CTSH: variants seen among roughly 807,000 people sequenced by gnomAD.
CTSH encodes cathepsin H.
Under a neutral mutation model 56.3 loss-of-function variants are expected in CTSH, and 52 were observed. The ratio of observed to expected loss-of-function variants is 0.92; its 90% CI spans 0.74 to 1.16. The LOEUF (loss-of-function observed/expected upper bound fraction) is 1.16. Ranked by LOEUF, CTSH falls within the 50% of genes most tolerant of loss-of-function variation. The pLI is 0.00. For missense variants in CTSH, 406 were observed against 424.5 expected, an observed-to-expected ratio of 0.96 and a Z score of 0.38; for synonymous variants, 174 against 155.7, an observed-to-expected ratio of 1.12 and a Z score of -0.88.
intron 10 of CTSH, among the ~76,000 whole-genome samples, chr15:78,924,701 T>TC (rs2054863359): frequency 6.6e-6 from 1 of 151,358 alleles, no homozygotes; most frequent in South Asian, 2.1e-4. Context: ...TATTTTTTTT[T>TC]TTTTCTGAGA....
In CTSH at chr15:78,921,928, ATCT is replaced by A; in HGVS notation, c.*199_*201del. ...AGGACACTAAGGCACATGGCTGGTG[ATCT>A]TTGCGTCATAGACACGGGTGAGCTC... On this transcript the variant is annotated 3_prime_UTR_variant, in exon 12 of 12. Transcript: ENST00000220166. 1 of 586,536 alleles carries A rather than the reference ATCT, an allele frequency of 1.7e-6. No individual in the cohort carries two copies. The highest frequency in any genetic ancestry group is 2.8e-5 in the East Asian group (1 of 35,480). The allele number at this position is 586,536 out of a possible 1,614,324, so 36.3% of individuals were successfully genotyped here. A position where few individuals can be genotyped will look rare whatever the true frequency, so the allele number is the denominator to read the frequency against.
chr15:78,923,312 C>T (rs977376337), intron 10 of CTSH, among the ~76,000 whole-genome samples, 194 bp from the exon 11 acceptor site: 46 of 152,252 alleles, frequency 3.0e-4, no homozygotes, highest in African/African-American at 7.0e-4. Context: ...TCTTTTGAGA[C>T]GGAGTCTCAC....
chr15:78,935,577 C>A, intron 4 of CTSH, 103 bp downstream of exon 4: 1 of 948,336 alleles, frequency 1.1e-6, no homozygotes, highest in Non-Finnish European at 1.6e-6. Context: ...TCAGCTGCAT[C>A]TGGGGATGGG....
Position 78,944,667 on chromosome 15 carries a change from C to T in CTSH, c.91+224G>A, listed in dbSNP as rs570272408. On this transcript the variant is annotated intron_variant, in intron 1 of 11. Transcript: ENST00000220166. ...ACCTGGCTAGGTGGGACCCTGGACA[C>T]TCAGCCCATCTGCTCCTCTGGTCCT... 2.1e-4 allele frequency: 167 copies of T among 790,340 alleles called. No homozygotes were observed. The African/African-American group carries it at 2.8e-3, about 13-fold the overall frequency. The allele number at this position is 790,340 out of a possible 1,614,324, so 49.0% of individuals were successfully genotyped here.
rs1224306069 is a variant in CTSH, at chr15:78,929,518, C to G, written c.549-25G>C. On this transcript the variant is annotated intron_variant, in intron 7 of 11. Transcript: ENST00000220166. ...CCTGCAAGAAGTACACACAGGTGAGCCCACCTGGGGCTGTCCTGATAGAGG... is the reference window on the plus strand; with the variant it reads ...CCTGCAAGAAGTACACACAGGTGAGGCCACCTGGGGCTGTCCTGATAGAGG... 5.7e-6 allele frequency: 9 copies of G among 1,571,936 alleles called. No individual in the cohort carries two copies. The Admixed American group carries it at 1.2e-4, about 21-fold the overall frequency.
intron 2 of CTSH, 63 bp from the exon 3 acceptor site, chr15:78,937,486 T>G (rs2055201316): frequency 6.8e-7 from 1 of 1,470,942 alleles, no homozygotes; most frequent in South Asian, 1.2e-5. Context: ...GAGGGAGACC[T>G]TTTTGTTTTC....
intron 1 of CTSH, among the ~76,000 whole-genome samples, chr15:78,943,253 G>T (rs1306946401): frequency 8.6e-6 from 1 of 116,956 alleles, no homozygotes; most frequent in Admixed American, 7.8e-5. Flanking sequence ...GTATTCCCCT[G>T]TTTGTTTGTT....
chr15:78,935,665 A>G lies in CTSH; in HGVS notation c.300+15T>C, dbSNP rs377666632. ...GTAAAAGGATTCAGATTTGGTTGCA[A>G]TGAATTATACCTACCTGAGGCTCTG... On this transcript the variant is annotated intron_variant, in intron 4 of 11. Coordinates refer to ENST00000220166, the MANE Select transcript of CTSH (RefSeq NM_004390.5). 5 of 1,592,084 alleles carry G rather than the reference A, an allele frequency of 3.1e-6. No individual in the cohort carries two copies. Among genetic ancestry groups the G allele is most frequent in the Non-Finnish European group, 4.3e-6 (5 of 1,164,366 alleles).
chr15:78,931,609 C>G, intron 6 of CTSH, 103 bp from the exon 7 acceptor site: 5 of 1,592,346 alleles, frequency 3.1e-6, no homozygotes, highest in Non-Finnish European at 4.3e-6. Context: ...GAGGCCCCGT[C>G]AGTGCTGTGT....
At chr15:78,943,588 G>T (rs1359632381) in intron 1 of CTSH, among the ~76,000 whole-genome samples, 1 of 152,166 alleles carries the variant, frequency 6.6e-6, no homozygotes, top group Non-Finnish European at 1.5e-5. Context: ...AATTTTAAAT[G>T]GTTAGAAGAA....
At chr15:78,938,838 GTT>G (rs34778376) in intron 2 of CTSH, among the ~76,000 whole-genome samples, 1 of 151,858 alleles carries the variant, frequency 6.6e-6, no homozygotes, top group Non-Finnish European at 1.5e-5. Context: ...CCTCCATACT[GTT>G]TTTTTTACAA....
At chr15:78,944,651 G>A in intron 1 of CTSH, 3 of 618,350 alleles carry the variant, frequency 4.9e-6, no homozygotes, top group African/African-American at 1.9e-5. Flanking sequence ...CACCTGGCTA[G>A]GTGGGACCCT....
At chr15:78,936,753 C>T (rs1596286254) in intron 3 of CTSH, among the ~76,000 whole-genome samples, 2 of 152,122 alleles carry the variant, frequency 1.3e-5, no homozygotes, top group South Asian at 4.2e-4. Context: ...CCTCAGCCTC[C>T]CAAATAGCTG....
Position 78,932,459 on chromosome 15 carries a change from C to A in CTSH, c.406-1G>T. 6.2e-7 allele frequency: 1 copy of A among 1,613,378 alleles called. No homozygotes were observed. The highest frequency in any genetic ancestry group is 8.5e-7 in the Non-Finnish European group (1 of 1,179,496). Reference sequence around the variant, plus strand: ...AAGTCCAGCAACTGCCGCAGGCACCCTGGAAAGGCCAGGGGAGAGCAGAGG... The same window carrying A: ...AAGTCCAGCAACTGCCGCAGGCACCATGGAAAGGCCAGGGGAGAGCAGAGG... On this transcript the variant is annotated splice_acceptor_variant, in intron 5 of 11. Coordinates refer to ENST00000220166, the MANE Select transcript of CTSH (RefSeq NM_004390.5). LOFTEE classifies it high-confidence loss of function.
intron 6 of CTSH, 130 bp from the exon 7 acceptor site, chr15:78,931,636 T>C (rs576531415): frequency 1.9e-6 from 3 of 1,547,286 alleles, no homozygotes; most frequent in East Asian, 2.4e-5. Context: ...GACCAAATTA[T>C]AAACTCCCCA....
chr15:78,944,076 C>T (rs1004068548), intron 1 of CTSH, among the ~76,000 whole-genome samples: 1 of 152,228 alleles, frequency 6.6e-6, no homozygotes, highest in African/African-American at 2.4e-5. Flanking sequence ...GGCACCCCCC[C>T]TCCCTAGGTT....
chr15:78,938,515 A>G (rs2055223509), intron 2 of CTSH, among the ~76,000 whole-genome samples: 1 of 152,144 alleles, frequency 6.6e-6, no homozygotes, highest in African/African-American at 2.4e-5. Flanking sequence ...AGAACATGTA[A>G]TATTTGCCTT....
intron 9 of CTSH, chr15:78,927,496 GTT>G: frequency 1.8e-6 from 1 of 568,058 alleles, no homozygotes; most frequent in South Asian, 2.3e-5. Flanking sequence ...TGGATCTGGA[GTT>G]CAGAACCAGA....
At chr15:78,930,301 G>A (rs1395994392) in intron 7 of CTSH, among the ~76,000 whole-genome samples, 4 of 152,300 alleles carry the variant, frequency 2.6e-5, no homozygotes, top group South Asian at 2.1e-4. Context: ...CAAGGTGGGT[G>A]GATCACCTGA....
Sources: gnomAD v4.1 joint callset for allele counts (sites outside exome capture counted in the v4.1 genomes callset) on GRCh38, gnomAD v4.1.1 for gene constraint, MANE v1.5 for transcripts, NCBI Gene and HGNC (gene_info 2026-07-23, HGNC 2026-07-21) for gene names.